The following USP47 variants were observed in gnomAD, a reference collection of about 807,000 sequenced individuals.
USP47 encodes ubiquitin specific peptidase 47.
USP47 carries 35 observed loss-of-function variants against 165.1 expected under a neutral mutation model. The observed-to-expected ratio is 0.21, with a 90% CI of 0.16 to 0.28. The LOEUF is 0.28. Among genes scored for constraint, USP47 ranks in the 10% least tolerant of loss-of-function variants. USP47 has a pLI of 1.00. For synonymous variants in USP47, 531 were observed against 544.5 expected, an observed-to-expected ratio of 0.98 and a Z score of 0.35; for missense variants, 1,277 against 1,607.4, an observed-to-expected ratio of 0.79 and a Z score of 3.52.
intron 2 of USP47, among the ~76,000 whole-genome samples, chr11:11,883,895 A>G (rs1369641931): frequency 6.6e-6 from 1 of 152,172 alleles, no homozygotes; most frequent in Non-Finnish European, 1.5e-5. Flanking sequence ...TGAAATAGGT[A>G]TCATTTACTG....
At chr11:11,891,783 C>T (rs1048624953) in intron 3 of USP47, among the ~76,000 whole-genome samples, 185 bp from the exon 4 acceptor site, 1 of 152,156 alleles carries the variant, frequency 6.6e-6, no homozygotes, top group Admixed American at 6.5e-5. Flanking sequence ...TACCAAAAAT[C>T]TTCTCTCATG....
intron 8 of USP47, among the ~76,000 whole-genome samples, chr11:11,906,801 A>G (rs1417809855): frequency 6.6e-6 from 1 of 152,154 alleles, no homozygotes; most frequent in Non-Finnish European, 1.5e-5. Context: ...TCAAAGTAGA[A>G]ATGACATACT....
intron 11 of USP47, among the ~76,000 whole-genome samples, 184 bp from the exon 12 acceptor site, chr11:11,929,250 A>G (rs1439244519): frequency 6.6e-6 from 1 of 152,110 alleles, no homozygotes; most frequent in Non-Finnish European, 1.5e-5. Context: ...AACTTGTGTA[A>G]CTTCTGGTAT....
At chr11:11,933,667 A>G (rs1477923264) in intron 15 of USP47, among the ~76,000 whole-genome samples, 164 bp from the exon 16 acceptor site, 1 of 152,080 alleles carries the variant, frequency 6.6e-6, no homozygotes, top group Non-Finnish European at 1.5e-5. Flanking sequence ...GGTGTGAGAC[A>G]TAACTGGTGT....
At chr11:11,907,826 T>C (rs759796945) in intron 8 of USP47, among the ~76,000 whole-genome samples, 2 of 152,186 alleles carry the variant, frequency 1.3e-5, no homozygotes, top group Admixed American at 6.5e-5. Flanking sequence ...CTGGGCATAG[T>C]GGCTCACACC....
At chr11:11,848,571 A>T (rs193193363) in intron 1 of USP47, among the ~76,000 whole-genome samples, 28 of 148,972 alleles carry the variant, frequency 1.9e-4, no homozygotes, top group Admixed American at 3.3e-4. Context: ...CTTTCAACTC[A>T]TTCTTTTGAT....
chr11:11,943,088 G>A lies in USP47; in HGVS notation c.3067G>A (p.Glu1023Lys). 1 of 1,612,534 alleles carries A rather than the reference G, an allele frequency of 6.2e-7. No individual in the cohort carries two copies. Among genetic ancestry groups the A allele is most frequent in the East Asian group, 2.2e-5 (1 of 44,854 alleles). ...CAAAGCTGAACCTTATGCTGCAGAT[G>A]AAGGTTCTGGGGAAGGACATAAATG... ...YFKAEPYAAD[E>K]GSGEGHKWLM... Residue 1023 changes from glutamate to lysine, a missense_variant, in exon 20 of 28, where the codon GAA becomes AAA. Glu to Lys is a moderately conservative substitution (Grantham distance 56, BLOSUM62 1). Around this residue, in one of 4 missense-constraint regions of USP47, gnomAD observed 909 missense variants for 1,068.1 expected, o/e 0.85. Transcript: ENST00000527733.
intron 3 of USP47, among the ~76,000 whole-genome samples, chr11:11,889,718 A>G (rs1472541605): frequency 1.3e-5 from 2 of 152,212 alleles, no homozygotes; most frequent in Non-Finnish European, 2.9e-5. Context: ...TAAAATTCAT[A>G]TGGAACCAAA....
intron 8 of USP47, among the ~76,000 whole-genome samples, chr11:11,913,240 T>C (rs1853137567): frequency 7.4e-6 from 1 of 135,300 alleles, no homozygotes; most frequent in Non-Finnish European, 1.6e-5. Context: ...TGATTATCTA[T>C]GTAGAAAATC....
Position 11,920,411 on chromosome 11 carries a change from A to G in USP47, c.1135A>G (p.Thr379Ala), listed in dbSNP as rs770961616. The G allele has an allele frequency of 1.6e-5, 25 of 1,611,634 alleles. No homozygotes were observed. The highest frequency in any genetic ancestry group is 5.5e-5 in the South Asian group (5 of 90,858). The stretch of plus-strand genomic sequence containing the variant: ...GAAAAGATTCGATTTTGATTATACA[A>G]CCATGCATAGGATTAAACTGAATGA... ...QLKRFDFDYT[T>A]MHRIKLNDRM... Residue 379 changes from threonine (T) to alanine (A), a missense_variant, in exon 10 of 28, where the codon ACC (threonine) becomes GCC (alanine). Physicochemically the swap from Thr to Ala is moderately conservative, Grantham distance 58. Coordinates refer to ENST00000527733, the MANE Select transcript of USP47 (RefSeq NM_001282659.2).
chr11:11,950,661 T>C (rs1032776092), intron 24 of USP47, among the ~76,000 whole-genome samples, 179 bp downstream of exon 24: 6 of 152,190 alleles, frequency 3.9e-5, no homozygotes, highest in Admixed American at 1.3e-4. Context: ...ACCTACGTCT[T>C]ATCCTTGGGA....
chr11:11,928,800 C>G (rs1044200842), intron 11 of USP47, among the ~76,000 whole-genome samples: 11 of 151,884 alleles, frequency 7.2e-5, no homozygotes, highest in Admixed American at 1.3e-4. Flanking sequence ...TGCCTCTTTT[C>G]TTGATTTTCT....
At chr11:11,867,688 A>G (rs1849771307) in intron 1 of USP47, among the ~76,000 whole-genome samples, 1 of 152,096 alleles carries the variant, frequency 6.6e-6, no homozygotes, top group African/African-American at 2.4e-5. Context: ...TAATGGTACC[A>G]TGTTTACACA....
chr11:11,910,211 A>G (rs1852862427), intron 8 of USP47, among the ~76,000 whole-genome samples: 1 of 152,174 alleles, frequency 6.6e-6, no homozygotes, highest in Non-Finnish European at 1.5e-5. Context: ...GAAGACTGAA[A>G]GGTGGAGAGA....
intron 17 of USP47, 114 bp from the exon 18 acceptor site, chr11:11,938,143 T>C (rs1564888607): frequency 2.6e-6 from 2 of 783,370 alleles, no homozygotes; most frequent in Non-Finnish European, 4.1e-6. Context: ...TTTTCATCTG[T>C]ACTTGGAAGT....
intron 11 of USP47, among the ~76,000 whole-genome samples, chr11:11,928,619 C>T (rs1437489939): frequency 3.3e-5 from 5 of 152,166 alleles, no homozygotes; most frequent in Middle Eastern, 6.8e-3. Context: ...ACCTCCTTCT[C>T]TGTTTCTGTC....
intron 5 of USP47, among the ~76,000 whole-genome samples, chr11:11,901,489 C>G (rs530402025): frequency 6.6e-6 from 1 of 152,230 alleles, no homozygotes; most frequent in Non-Finnish European, 1.5e-5. Flanking sequence ...TCCATGAGAT[C>G]TTAAGTTCTT....
intron 1 of USP47, among the ~76,000 whole-genome samples, chr11:11,848,122 T>TA (rs1224796051): frequency 6.6e-6 from 1 of 152,254 alleles, no homozygotes; most frequent in African/African-American, 2.4e-5. Context: ...ATTTAATTTT[T>TA]ATCAAAGTTA....
intron 25 of USP47, among the ~76,000 whole-genome samples, chr11:11,954,519 A>G (rs1403509915): frequency 6.6e-6 from 1 of 152,158 alleles, no homozygotes; most frequent in East Asian, 1.9e-4. Context: ...TGTAACTTGG[A>G]AAAACTGAAA....
Sources: allele counts gnomAD v4.1 joint callset (sites outside exome capture counted in the v4.1 genomes callset), GRCh38; gene constraint gnomAD v4.1.1; regional missense constraint gnomAD v4.1.1; transcripts MANE v1.5; gene names NCBI Gene and HGNC (gene_info 2026-07-23, HGNC 2026-07-21).